TIPIN: variants seen among roughly 807,000 people sequenced by gnomAD.
The protein encoded by TIPIN is TIMELESS-interacting protein.
A neutral mutation model predicts 35.6 loss-of-function variants in TIPIN; 29 were observed. The observed-to-expected ratio is 0.82, with a 90% CI of 0.61 to 1.11. The LOEUF (loss-of-function observed/expected upper bound fraction) is 1.11, where lower values mean the gene tolerates loss of function less well. TIPIN is among the 50% of genes most tolerant of loss of function. TIPIN has a pLI of 0.00. For synonymous variants in TIPIN, 102 were observed against 121.5 expected, an observed-to-expected ratio of 0.84 and a Z score of 1.06; for missense variants, 296 against 345.4, an observed-to-expected ratio of 0.86 and a Z score of 1.13.
Position 66,342,186 on chromosome 15 carries a change from C to CA in TIPIN, c.476-831dup, listed in dbSNP as rs55711983. Among the ~76,000 whole-genome samples, 501 of 108,452 alleles carry CA rather than the reference C, an allele frequency of 4.6e-3. 18 individuals are homozygous for CA. The highest frequency in any genetic ancestry group is 0.018 in the African/African-American group (467 of 25,748). 71.1% of individuals were successfully genotyped at this position (108,452 alleles called of 152,430 possible). On this transcript the variant is annotated intron_variant, in intron 6 of 7. Coordinates refer to ENST00000261881, the MANE Select transcript of TIPIN (RefSeq NM_017858.3). ...CCTGGGCTACAGAGCAAGACTGTCTCAAAAAAAAAAAAAAAAAAAAAAGAA... is the reference window on the plus strand; with the variant it reads ...CCTGGGCTACAGAGCAAGACTGTCTCAAAAAAAAAAAAAAAAAAAAAAAGAA...
intron 1 of TIPIN, among the ~76,000 whole-genome samples, chr15:66,385,471 G>T (rs886770435): frequency 6.6e-6 from 1 of 152,068 alleles, no homozygotes; most frequent in East Asian, 1.9e-4. Flanking sequence ...GTAATTCACA[G>T]AATTGGAATT....
At chr15:66,361,867 G>A (rs962026731) in intron 1 of TIPIN, among the ~76,000 whole-genome samples, 3 of 152,008 alleles carry the variant, frequency 2.0e-5, no homozygotes, top group African/African-American at 7.2e-5. Flanking sequence ...TTAGCTGGGT[G>A]TGGTGGTGCA....
At chr15:66,357,813 G>A (rs1444655344), upstream of TIPIN, among the ~76,000 whole-genome samples, 5 of 151,986 alleles carry the variant, frequency 3.3e-5, no homozygotes, top group Non-Finnish European at 7.4e-5. Context: ...AAAATTAGCC[G>A]GGCGTGGTGG....
chr15:66,360,402 C>G (rs78086588), upstream of TIPIN, among the ~76,000 whole-genome samples: 2,114 of 151,942 alleles, frequency 0.014, 27 homozygotes, highest in South Asian at 0.041. Flanking sequence ...GTCCAGGAGT[C>G]CCGGACCAGC....
chr15:66,379,518 G>A (rs963904021), intron 1 of TIPIN: 7 of 1,609,950 alleles, frequency 4.3e-6, no homozygotes, highest in African/African-American at 1.3e-5. Flanking sequence ...TACTGAACAA[G>A]CAACACCTGG....
chr15:66,339,127 A>G (rs1195390292), intron 7 of TIPIN, among the ~76,000 whole-genome samples: 2 of 84,258 alleles, frequency 2.4e-5, no homozygotes, highest in African/African-American at 5.2e-5. Context: ...GCAAGACTCC[A>G]TCTCAAAAAA....
chr15:66,380,777 T>G (rs756645056), intron 1 of TIPIN, among the ~76,000 whole-genome samples: 32 of 151,808 alleles, frequency 2.1e-4, no homozygotes, highest in Non-Finnish European at 3.4e-4. Context: ...ATTGCACCAC[T>G]GCACTCCAGC....
At chr15:66,349,210 C>G in intron 5 of TIPIN, 87 bp from the exon 6 acceptor site, 1 of 1,596,178 alleles carries the variant, frequency 6.3e-7, no homozygotes, top group African/African-American at 1.3e-5. Context: ...CCCTCTCTAC[C>G]AAAAGAGATT....
chr15:66,386,669 C>A (rs531194129), exon 1 of TIPIN: 7 of 179,456 alleles, frequency 3.9e-5, no homozygotes, highest in African/African-American at 1.6e-4. Flanking sequence ...ACACAGACTT[C>A]TTCTCAGCTG....
chr15:66,375,213 A>G (rs2093292018), intron 1 of TIPIN, among the ~76,000 whole-genome samples: 1 of 152,108 alleles, frequency 6.6e-6, no homozygotes. Context: ...CAGGAGTTTC[A>G]GGTGGCAGTG....
At chr15:66,378,576 T>A (rs1595822261) in intron 1 of TIPIN, among the ~76,000 whole-genome samples, 1 of 152,234 alleles carries the variant, frequency 6.6e-6, no homozygotes. Context: ...TAAATCTTTG[T>A]GAGGTTAATT....
chr15:66,386,187 G>A (rs1178805912), intron 1 of TIPIN, among the ~76,000 whole-genome samples: 3 of 152,106 alleles, frequency 2.0e-5, no homozygotes, highest in African/African-American at 7.2e-5. Flanking sequence ...AGCTACTCAG[G>A]AGACTGAGGC....
chr15:66,344,681 T>G (rs1201865179), intron 6 of TIPIN, among the ~76,000 whole-genome samples: 1 of 142,872 alleles, frequency 7.0e-6, no homozygotes, highest in Non-Finnish European at 1.5e-5. Flanking sequence ...GGAGACCCTT[T>G]CTCTACAAAA....
intron 1 of TIPIN, among the ~76,000 whole-genome samples, chr15:66,377,022 C>T (rs1396563106): frequency 2.7e-5 from 4 of 148,414 alleles, no homozygotes; most frequent in South Asian, 2.2e-4. Flanking sequence ...GCAGGAGAAT[C>T]GCTTGAACCC....
intron 1 of TIPIN, among the ~76,000 whole-genome samples, chr15:66,375,620 C>T (rs192327894): frequency 9.5e-4 from 142 of 150,094 alleles, no homozygotes; most frequent in Non-Finnish European, 1.4e-3. Context: ...TGGTGGATCA[C>T]TTGAGGTCAG....
chr15:66,380,862 TA>T (rs1566988705), intron 1 of TIPIN, among the ~76,000 whole-genome samples: 1 of 152,080 alleles, frequency 6.6e-6, no homozygotes, highest in Non-Finnish European at 1.5e-5. Flanking sequence ...GAAGTACTGT[TA>T]AAAAATATTA....
intron 1 of TIPIN, among the ~76,000 whole-genome samples, chr15:66,378,637 GT>G (rs1222061103): frequency 2.0e-5 from 3 of 150,982 alleles, no homozygotes; most frequent in African/African-American, 7.3e-5. Context: ...TTCTTCAAAT[GT>G]TTTTCTCATT....
intron 1 of TIPIN, among the ~76,000 whole-genome samples, chr15:66,376,668 A>T (rs1196696643): frequency 6.7e-6 from 1 of 149,006 alleles, no homozygotes; most frequent in Non-Finnish European, 1.5e-5. Context: ...ACCTCAAGTG[A>T]CCCCCCCACT....
At chr15:66,342,515 C>T (rs934233137) in intron 6 of TIPIN, among the ~76,000 whole-genome samples, 2 of 152,044 alleles carry the variant, frequency 1.3e-5, no homozygotes, top group African/African-American at 4.8e-5. Flanking sequence ...AGGCACCCGC[C>T]ACCATGCCCA....
Sources: gnomAD v4.1 joint callset for allele counts (sites outside exome capture counted in the v4.1 genomes callset) on GRCh38, gnomAD v4.1.1 for gene constraint, MANE v1.5 for transcripts, NCBI Gene and HGNC (gene_info 2026-07-23, HGNC 2026-07-21) for gene names.